CMIP: variants seen among roughly 807,000 people sequenced by gnomAD.
CMIP encodes the protein C-Maf-inducing protein.
In CMIP, 13 loss-of-function variants were observed where a neutral mutation model predicts 97.3. The observed-to-expected ratio is 0.13, with a 90% CI of 0.09 to 0.21. The LOEUF (loss-of-function observed/expected upper bound fraction) is 0.21, where lower values mean the gene tolerates loss of function less well. Ranked by LOEUF, CMIP falls within the 10% of genes least tolerant of loss-of-function variation. CMIP has a pLI of 1.00. For missense variants in CMIP, 847 were observed against 1,024.9 expected (o/e 0.83, Z 2.37); for synonymous variants, 538 against 436.3 (o/e 1.23, Z -2.91).
intron 1 of CMIP, among the ~76,000 whole-genome samples, chr16:81,572,103 C>T (rs556698565): frequency 6.6e-6 from 1 of 152,334 alleles, no homozygotes; most frequent in South Asian, 2.1e-4. Flanking sequence ...GGGCCCATTT[C>T]CCTCCTGTCT....
chr16:81,583,552 C>G (rs1218503180), intron 1 of CMIP, among the ~76,000 whole-genome samples: 2 of 152,192 alleles, frequency 1.3e-5, no homozygotes. Flanking sequence ...AATAGAGTTT[C>G]TCACGGCCGG....
intron 1 of CMIP, among the ~76,000 whole-genome samples, chr16:81,478,357 A>G (rs1908057325): frequency 6.6e-6 from 1 of 152,208 alleles, no homozygotes; most frequent in Non-Finnish European, 1.5e-5. Context: ...TGGCGCCAGC[A>G]GCTCCTGGGA....
intron 1 of CMIP, among the ~76,000 whole-genome samples, chr16:81,471,246 A>G (rs1396575735): frequency 6.6e-6 from 1 of 152,196 alleles, no homozygotes; most frequent in Admixed American, 6.5e-5. Flanking sequence ...ACATAGAAAT[A>G]CATATACACA....
chr16:81,668,820 C>A (rs1184739784), intron 7 of CMIP, among the ~76,000 whole-genome samples: 2 of 151,364 alleles, frequency 1.3e-5, no homozygotes, highest in East Asian at 1.9e-4. Context: ...ACCCACCTCA[C>A]ACTCACTGCC....
intron 1 of CMIP, among the ~76,000 whole-genome samples, chr16:81,577,474 C>A (rs142885580): frequency 9.0e-3 from 641 of 70,876 alleles, no homozygotes; most frequent in South Asian, 0.025. Context: ...TCCCCATTAC[C>A]ACTATATTAT....
chr16:81,448,354 G>C (rs1422142677), intron 1 of CMIP, among the ~76,000 whole-genome samples: 1 of 152,226 alleles, frequency 6.6e-6, no homozygotes, highest in Non-Finnish European at 1.5e-5. Flanking sequence ...TGTTTCCATT[G>C]ATCCAATTAA....
intron 1 of CMIP, among the ~76,000 whole-genome samples, chr16:81,558,119 G>C (rs2090803882): frequency 6.6e-6 from 1 of 152,204 alleles, no homozygotes; most frequent in African/African-American, 2.4e-5. Context: ...GCATGTGTCA[G>C]AATTTCTTTC....
chr16:81,646,421 A>G (rs1012330861), intron 3 of CMIP, among the ~76,000 whole-genome samples: 2 of 152,190 alleles, frequency 1.3e-5, no homozygotes, highest in Non-Finnish European at 2.9e-5. Context: ...ACTGAGCCAT[A>G]CTACCTTTGG....
At chr16:81,691,977 A>C in intron 11 of CMIP, 137 bp downstream of exon 11, 1 of 748,096 alleles carries the variant, frequency 1.3e-6, no homozygotes, top group African/African-American at 1.7e-5. Context: ...CGTCGGTACC[A>C]GCTCAGCCAC....
chr16:81,703,922 C>A lies in CMIP; in HGVS notation c.1945-17C>A. On this transcript the variant is annotated splice_polypyrimidine_tract_variant and intron_variant, in intron 17 of 20. Transcript: ENST00000537098. The stretch of plus-strand genomic sequence containing the variant: ...CTCCCAGCAGCACCCTCAGGCCTCT[C>A]CCCCGTCTGCCCGCAGGACGCTGAC... 1.9e-6 allele frequency: 3 copies of A among 1,585,530 alleles called. No individual in the cohort carries two copies. Among genetic ancestry groups the A allele is most frequent in the Admixed American group, 1.7e-5 (1 of 57,814 alleles).
chr16:81,689,438 T>C (rs911266376), intron 10 of CMIP, among the ~76,000 whole-genome samples: 1 of 152,258 alleles, frequency 6.6e-6, no homozygotes, highest in African/African-American at 2.4e-5. Context: ...ATGTGTCTGT[T>C]GGCTGCATAA....
intron 3 of CMIP, among the ~76,000 whole-genome samples, chr16:81,633,453 C>T (rs2092192392): frequency 6.6e-6 from 1 of 152,228 alleles, no homozygotes; most frequent in African/African-American, 2.4e-5. Flanking sequence ...AGGAATTAGG[C>T]CCTTGCTTCA....
chr16:81,686,614 G>A (rs1055139524), intron 10 of CMIP, among the ~76,000 whole-genome samples: 7 of 152,154 alleles, frequency 4.6e-5, no homozygotes, highest in African/African-American at 1.7e-4. Flanking sequence ...TCTTTTCTCC[G>A]CGTCTGGCAT....
Position 81,469,506 on chromosome 16 carries a change from A to T in CMIP, c.300+23965A>T, listed in dbSNP as rs76957501. Among the ~76,000 whole-genome samples, 3,476 of 152,272 alleles carry T rather than the reference A, an allele frequency of 0.023. 221 individuals carry two copies. The East Asian group carries it at 0.28, about 12-fold the overall frequency. ...TATACAGGAAAAACAGAGGGCTCTT[A>T]TTACTGCCGTTACCACTGTCATTGC... On this transcript the variant is annotated intron_variant, in intron 1 of 20. Transcript: ENST00000537098.
At chr16:81,484,000 T>C (rs2089273846) in intron 1 of CMIP, among the ~76,000 whole-genome samples, 1 of 152,202 alleles carries the variant, frequency 6.6e-6, no homozygotes, top group African/African-American at 2.4e-5. Context: ...TATGTAATCA[T>C]TTCAAGCTTA....
At chr16:81,642,517 T>C (rs138332979) in intron 3 of CMIP, among the ~76,000 whole-genome samples, 2,197 of 152,312 alleles carry the variant, frequency 0.014, 46 homozygotes, top group Non-Finnish European at 0.017. Context: ...TGGCAAAATT[T>C]AAACTGATTC....
intron 1 of CMIP, among the ~76,000 whole-genome samples, chr16:81,487,234 G>A (rs2150762618): frequency 6.6e-6 from 1 of 151,202 alleles, no homozygotes; most frequent in African/African-American, 2.4e-5. Context: ...GAGCCTCACT[G>A]CTCTACCTGG....
At chr16:81,536,829 C>T (rs1210803491) in intron 1 of CMIP, among the ~76,000 whole-genome samples, 2 of 152,062 alleles carry the variant, frequency 1.3e-5, no homozygotes, top group African/African-American at 2.4e-5. Flanking sequence ...ACACGTACAG[C>T]TCAGTGAATT....
intron 1 of CMIP, among the ~76,000 whole-genome samples, chr16:81,593,331 G>T (rs2091494931): frequency 6.6e-6 from 1 of 152,042 alleles, no homozygotes; most frequent in Admixed American, 6.5e-5. Flanking sequence ...GGTATTGTAG[G>T]CTTGGTTGAG....
Sources: gnomAD v4.1 joint callset for allele counts (sites outside exome capture counted in the v4.1 genomes callset) on GRCh38, gnomAD v4.1.1 for gene constraint, MANE v1.5 for transcripts, NCBI Gene and HGNC (gene_info 2026-07-23, HGNC 2026-07-21) for gene names.